The following GLRA3 variants were observed in gnomAD, a reference collection of about 807,000 sequenced individuals.
The protein encoded by GLRA3 is glycine receptor subunit alpha-3.
In GLRA3, 44 loss-of-function variants were observed where a neutral mutation model predicts 60.4. The ratio of observed to expected loss-of-function variants is 0.73; its 90% confidence interval spans 0.57 to 0.94. GLRA3 has a LOEUF of 0.94. Among genes scored for constraint, GLRA3 ranks in the 40% least tolerant of loss-of-function variants. GLRA3 has a pLI of 0.00. For missense variants in GLRA3, 508 were observed against 564.6 expected (o/e 0.90, Z 1.02); for synonymous variants, 223 against 192.9 (o/e 1.16, Z -1.29).
At chr4:174,801,600 T>C (rs2111342810) in intron 1 of GLRA3, among the ~76,000 whole-genome samples, 1 of 152,170 alleles carries the variant, frequency 6.6e-6, no homozygotes, top group Middle Eastern at 3.4e-3. Flanking sequence ...TTACATATCA[T>C]ATCCATCCTG....
chr4:174,815,018 G>A (rs980686709), intron 1 of GLRA3, among the ~76,000 whole-genome samples: 4 of 152,204 alleles, frequency 2.6e-5, no homozygotes, highest in East Asian at 1.9e-4. Context: ...CCAGGAGCCT[G>A]TAAAATCAAA....
At position 174,733,295 on chromosome 4, in the gene GLRA3, A is replaced by G. The variant is rs550440273; in HGVS notation, c.268-4597T>C. ...AATTTAGTCTGGCAAAACACACTGG[A>G]CCTCTGACCTCAAGAAGTGTAAGGT... On this transcript the variant is annotated intron_variant, in intron 3 of 9. Coordinates refer to ENST00000274093, the MANE Select transcript of GLRA3 (RefSeq NM_006529.4). Among the ~76,000 whole-genome samples, 433 of 152,262 alleles carry G rather than the reference A, an allele frequency of 2.8e-3. 3 individuals are homozygous for G. The highest frequency in any genetic ancestry group is 9.8e-3 in the African/African-American group (407 of 41,542).
intron 9 of GLRA3, among the ~76,000 whole-genome samples, chr4:174,644,820 T>A (rs1276207031): frequency 6.6e-6 from 1 of 151,798 alleles, no homozygotes; most frequent in African/African-American, 2.4e-5. Context: ...CTGAAGAGAA[T>A]TTTCCATGTT....
chr4:174,804,319 C>A (rs1739945570), intron 1 of GLRA3, among the ~76,000 whole-genome samples: 1 of 152,044 alleles, frequency 6.6e-6, no homozygotes, highest in South Asian at 2.1e-4. Context: ...AGAAAGAGAG[C>A]ACCAACCTAA....
At chr4:174,796,395 A>T (rs1279930253) in intron 1 of GLRA3, among the ~76,000 whole-genome samples, 1 of 152,192 alleles carries the variant, frequency 6.6e-6, no homozygotes, top group East Asian at 1.9e-4. Flanking sequence ...TGTTTCCTTC[A>T]ATGATACAGA....
At chr4:174,792,714 C>A (rs1444170289) in intron 1 of GLRA3, among the ~76,000 whole-genome samples, 1 of 152,146 alleles carries the variant, frequency 6.6e-6, no homozygotes, top group Non-Finnish European at 1.5e-5. Flanking sequence ...ATGTTTTAAA[C>A]AAACTTCTTC....
chr4:174,687,598 G>A (rs1189984749), intron 5 of GLRA3, among the ~76,000 whole-genome samples: 1 of 152,130 alleles, frequency 6.6e-6, no homozygotes, highest in Non-Finnish European at 1.5e-5. Context: ...CATGTTAAGG[G>A]AACAACAGAC....
In GLRA3 at chr4:174,704,085, A is replaced by C. The variant is rs184195626; in HGVS notation, c.574+11403T>G. ...TGAGGTGGTTGGATCACTTGAGATC[A>C]AGTGTTCGAGACCAACCTGGGCAAC... On this transcript the variant is annotated intron_variant, in intron 5 of 9. Coordinates refer to ENST00000274093, the MANE Select transcript of GLRA3 (RefSeq NM_006529.4). Among the ~76,000 whole-genome samples the C allele has an allele frequency of 2.7e-3, 298 of 110,502 alleles. 44 individuals carry two copies. The highest frequency in any genetic ancestry group is 9.2e-4 in the Non-Finnish European group (44 of 47,666). The allele number at this position is 110,502 out of a possible 152,430, so 72.5% of individuals were successfully genotyped here.
At chr4:174,742,162 G>A (rs1737053971) in intron 3 of GLRA3, among the ~76,000 whole-genome samples, 1 of 152,106 alleles carries the variant, frequency 6.6e-6, no homozygotes, top group African/African-American at 2.4e-5. Flanking sequence ...TTATTTGTTA[G>A]AAAGCTGACA....
intron 1 of GLRA3, among the ~76,000 whole-genome samples, chr4:174,811,092 A>G (rs1050563473): frequency 6.7e-6 from 1 of 150,212 alleles, no homozygotes; most frequent in Admixed American, 6.7e-5. Context: ...CATTCACCAC[A>G]CACATAACAC....
chr4:174,708,917 G>C (rs1457267254), intron 5 of GLRA3, among the ~76,000 whole-genome samples: 1 of 148,974 alleles, frequency 6.7e-6, no homozygotes, highest in Non-Finnish European at 1.5e-5. Context: ...CCTGCCTCTA[G>C]CCCTGTACAT....
chr4:174,771,876 G>A (rs1738404868), intron 2 of GLRA3, among the ~76,000 whole-genome samples: 1 of 152,064 alleles, frequency 6.6e-6, no homozygotes, highest in Non-Finnish European at 1.5e-5. Flanking sequence ...GGACAATTGT[G>A]GTGAAAGAGG....
intron 1 of GLRA3, among the ~76,000 whole-genome samples, chr4:174,801,023 A>G (rs1249676671): frequency 1.3e-5 from 2 of 152,236 alleles, no homozygotes; most frequent in African/African-American, 2.4e-5. Flanking sequence ...CTAATAATGT[A>G]AGTGTACTCA....
intron 5 of GLRA3, among the ~76,000 whole-genome samples, chr4:174,709,280 A>G (rs1319201040): frequency 1.3e-5 from 2 of 152,044 alleles, no homozygotes; most frequent in Non-Finnish European, 2.9e-5. Flanking sequence ...TACAATCAAG[A>G]ACTGCACATA....
chr4:174,670,289 A>C (rs1733856107), intron 7 of GLRA3, among the ~76,000 whole-genome samples: 1 of 152,102 alleles, frequency 6.6e-6, no homozygotes, highest in Non-Finnish European at 1.5e-5. Flanking sequence ...TTTTTATTGT[A>C]ATCATATAAG....
intron 2 of GLRA3, among the ~76,000 whole-genome samples, chr4:174,778,778 G>A (rs1485663977): frequency 6.6e-6 from 1 of 152,226 alleles, no homozygotes; most frequent in Non-Finnish European, 1.5e-5. Context: ...TTAAAAAACG[G>A]CGCACCACGA....
chr4:174,692,961 G>T (rs201097423), intron 5 of GLRA3, among the ~76,000 whole-genome samples: 4 of 144,160 alleles, frequency 2.8e-5, no homozygotes, highest in Non-Finnish European at 6.2e-5. Flanking sequence ...AAAAAAAAAA[G>T]AAAAGTGTCT....
At position 174,641,777 on chromosome 4, in the gene GLRA3, CTT is replaced by C. The variant is rs1042608175; in HGVS notation, c.*2007_*2008del. 1.9e-4 allele frequency: 29 copies of C among 152,098 alleles called. No homozygotes were observed. The highest frequency in any genetic ancestry group is 5.8e-4 in the African/African-American group (24 of 41,546). The allele number at this position is 152,098 out of a possible 1,614,324, so 9.4% of individuals were successfully genotyped here. On this transcript the variant is annotated 3_prime_UTR_variant, in exon 10 of 10. Coordinates refer to ENST00000274093, the MANE Select transcript of GLRA3 (RefSeq NM_006529.4). ...AATTCACTTAAGCAATGTTGGGAAACTTTTGAAATAAGATGTGGAAAGTATAG... is the reference window on the plus strand; with the variant it reads ...AATTCACTTAAGCAATGTTGGGAAACTTGAAATAAGATGTGGAAAGTATAG...
intron 1 of GLRA3, among the ~76,000 whole-genome samples, chr4:174,824,660 G>A (rs550369083): frequency 1.3e-5 from 2 of 152,000 alleles, no homozygotes; most frequent in Non-Finnish European, 2.9e-5. Flanking sequence ...TGTATCATTC[G>A]TTTTGCATAG....
Sources: gnomAD v4.1 joint callset for allele counts (sites outside exome capture counted in the v4.1 genomes callset) on GRCh38, gnomAD v4.1.1 for gene constraint, MANE v1.5 for transcripts, NCBI Gene and HGNC (gene_info 2026-07-23, HGNC 2026-07-21) for gene names.